LINGO2: variants seen among roughly 807,000 people sequenced by gnomAD.
LINGO2 encodes the protein leucine-rich repeat and immunoglobulin-like domain-containing nogo receptor-interacting protein 2.
A neutral mutation model predicts 30.6 loss-of-function variants in LINGO2; 14 were observed. That is an observed-to-expected ratio of 0.46 (90% CI 0.30 to 0.72). The LOEUF (loss-of-function observed/expected upper bound fraction) is 0.72, where lower values mean the gene tolerates loss of function less well. Among genes scored for constraint, LINGO2 ranks in the 30% least tolerant of loss-of-function variants. LINGO2 has a pLI of 0.07. For synonymous variants in LINGO2, 317 were observed against 288.5 expected, an observed-to-expected ratio of 1.10 and a Z score of -1.00; for missense variants, 729 against 751.7, an observed-to-expected ratio of 0.97 and a Z score of 0.35.
chr9:28,696,013 G>C, the LINGO2 span, among the ~76,000 whole-genome samples: 1 of 151,786 alleles, frequency 6.6e-6, no homozygotes, highest in Admixed American at 6.6e-5. Flanking sequence ...ATAATAGTGA[G>C]AAACCGTTTC....
the LINGO2 span, among the ~76,000 whole-genome samples, chr9:28,800,634 T>C: frequency 1.7e-3 from 252 of 152,114 alleles, 1 homozygote; most frequent in Non-Finnish European, 2.7e-3. Context: ...AATGGAGCTG[T>C]AATTTGGGAG....
At chr9:28,667,882 C>T (rs1046182605) in intron 1 of LINGO2, among the ~76,000 whole-genome samples, 7 of 152,170 alleles carry the variant, frequency 4.6e-5, no homozygotes, top group Admixed American at 4.6e-4. Context: ...GCATGTTCTT[C>T]TATACACACT....
intron 2 of LINGO2, among the ~76,000 whole-genome samples, chr9:28,435,651 G>C (rs146462560): frequency 0.01 from 1,577 of 152,290 alleles, 28 homozygotes; most frequent in African/African-American, 0.035. Flanking sequence ...TTTGTCCCAT[G>C]ATCTTCAGTC....
intron 4 of LINGO2, among the ~76,000 whole-genome samples, chr9:28,040,446 G>A (rs62556470): frequency 7.5e-6 from 1 of 133,966 alleles, no homozygotes. Flanking sequence ...TTTTTTTTTG[G>A]ACAGGGATTC....
chr9:28,900,725 A>C, the LINGO2 span, among the ~76,000 whole-genome samples: 1 of 152,196 alleles, frequency 6.6e-6, no homozygotes, highest in Non-Finnish European at 1.5e-5. Flanking sequence ...ATGAGTCCCT[A>C]CTTCTTCAAA....
intron 5 of LINGO2, among the ~76,000 whole-genome samples, chr9:27,981,534 CAAA>C (rs763284293): frequency 7.5e-5 from 3 of 39,848 alleles, no homozygotes; most frequent in Non-Finnish European, 1.6e-4. Context: ...ACGAGGATGG[CAAA>C]AAAAAAAAAA....
chr9:28,632,124 G>T (rs2135881737), intron 1 of LINGO2, among the ~76,000 whole-genome samples: 1 of 152,178 alleles, frequency 6.6e-6, no homozygotes, highest in African/African-American at 2.4e-5. Flanking sequence ...TGTCTTAATA[G>T]GAGTTAATCA....
chr9:27,995,286 A>G (rs1821602702), intron 5 of LINGO2, among the ~76,000 whole-genome samples: 1 of 152,184 alleles, frequency 6.6e-6, no homozygotes, highest in Non-Finnish European at 1.5e-5. Flanking sequence ...CCCTGATGGC[A>G]TCACTGCTGA....
intron 3 of LINGO2, among the ~76,000 whole-genome samples, chr9:28,330,886 T>A (rs1825394808): frequency 6.6e-6 from 1 of 152,148 alleles, no homozygotes; most frequent in Admixed American, 6.5e-5. Flanking sequence ...ATTTCGTAAT[T>A]CATTCTGCCT....
intron 1 of LINGO2, among the ~76,000 whole-genome samples, chr9:28,553,920 A>T (rs1432962809): frequency 6.6e-6 from 1 of 152,062 alleles, no homozygotes; most frequent in Non-Finnish European, 1.5e-5. Flanking sequence ...TGAAGGAGAA[A>T]TAAAATACTT....
intron 4 of LINGO2, among the ~76,000 whole-genome samples, chr9:28,189,709 A>AGGGAGGGAGGG (rs1819743685): frequency 8.7e-6 from 1 of 114,480 alleles, no homozygotes; most frequent in Non-Finnish European, 2.0e-5. Context: ...GGGAGGAAGG[A>AGGGAGGGAGGG]AGGAAGGAAG....
At chr9:28,990,609 G>C in the LINGO2 span, among the ~76,000 whole-genome samples, 1 of 152,168 alleles carries the variant, frequency 6.6e-6, no homozygotes, top group Non-Finnish European at 1.5e-5. Context: ...GCACCACCCA[G>C]TAGGGGCAGA....
intron 1 of LINGO2, among the ~76,000 whole-genome samples, chr9:28,550,662 A>G (rs1357814327): frequency 2.0e-5 from 3 of 151,900 alleles, no homozygotes; most frequent in Non-Finnish European, 4.4e-5. Context: ...TTATCTTTGA[A>G]TATTAAAAAC....
rs540422927 is a variant in LINGO2 at position 28,583,418 on chromosome 9, G to A, written c.-365+86782C>T. Among the ~76,000 whole-genome samples the A allele has an allele frequency of 2.8e-4, 42 of 151,850 alleles. No homozygotes were observed. The South Asian group carries it at 5.0e-3, about 18-fold the overall frequency. Reference sequence around the variant, plus strand: ...CTAAATGTCTCATCTTTTTCATAACGTAGCCACAATGCAAGTTATCATACT... The same window carrying A: ...CTAAATGTCTCATCTTTTTCATAACATAGCCACAATGCAAGTTATCATACT... On this transcript the variant is annotated intron_variant, in intron 1 of 5. Transcript: ENST00000379992.
the LINGO2 span, among the ~76,000 whole-genome samples, chr9:28,913,667 T>C: frequency 4.6e-5 from 7 of 152,236 alleles, no homozygotes; most frequent in South Asian, 8.3e-4. Context: ...GGTCCTTACA[T>C]CCCATATTTC....
chr9:28,375,254 A>C (rs1470748067), intron 2 of LINGO2, among the ~76,000 whole-genome samples: 1 of 152,118 alleles, frequency 6.6e-6, no homozygotes, highest in Non-Finnish European at 1.5e-5. Flanking sequence ...TGTCCAACCT[A>C]ATAGCAACAG....
At chr9:28,823,772 A>C in the LINGO2 span, among the ~76,000 whole-genome samples, 1 of 152,190 alleles carries the variant, frequency 6.6e-6, no homozygotes, top group East Asian at 1.9e-4. Context: ...GATGAAGCTT[A>C]AAATCTGTAG....
chr9:28,796,982 T>C, the LINGO2 span, among the ~76,000 whole-genome samples: 4 of 151,858 alleles, frequency 2.6e-5, no homozygotes, highest in East Asian at 5.8e-4. Context: ...CACATCTTTA[T>C]GTATAAATTA....
intron 4 of LINGO2, among the ~76,000 whole-genome samples, chr9:28,039,215 C>T (rs1824087630): frequency 6.6e-6 from 1 of 152,106 alleles, no homozygotes; most frequent in Non-Finnish European, 1.5e-5. Flanking sequence ...AAGTTGTTTT[C>T]TATAAATGTT....
Sources: allele counts gnomAD v4.1 joint callset (sites outside exome capture counted in the v4.1 genomes callset), GRCh38; gene constraint gnomAD v4.1.1; transcripts MANE v1.5; gene names NCBI Gene and HGNC (gene_info 2026-07-23, HGNC 2026-07-21).